SLAMF8: variants seen among roughly 807,000 people sequenced by gnomAD.
SLAMF8 encodes SLAM family member 8, also known as B lymphocyte activator macrophage expressed.
Under a neutral mutation model 29.0 loss-of-function variants are expected in SLAMF8, and 23 were observed. The ratio of observed to expected loss-of-function variants is 0.79; its 90% CI spans 0.57 to 1.13. SLAMF8 has a LOEUF of 1.13. Among genes scored for constraint, SLAMF8 ranks in the 50% most tolerant of loss-of-function variants. The pLI is 0.00. For synonymous variants in SLAMF8, 139 were observed against 145.6 expected, an observed-to-expected ratio of 0.96 and a Z score of 0.32; for missense variants, 381 against 353.1, an observed-to-expected ratio of 1.08 and a Z score of -0.63.
chr1:159,831,458 CT>C (rs1201801871), intron 2 of SLAMF8, among the ~76,000 whole-genome samples: 10 of 152,106 alleles, frequency 6.6e-5, no homozygotes, highest in African/African-American at 2.4e-4. Flanking sequence ...CCCCCACCCC[CT>C]GCCACCTGTT....
At chr1:159,828,841 A>G (rs1405913896) in intron 1 of SLAMF8, among the ~76,000 whole-genome samples, 1 of 140,934 alleles carries the variant, frequency 7.1e-6, no homozygotes, top group African/African-American at 2.5e-5. Flanking sequence ...TCAGCAAAGG[A>G]GTCAGGGGGG....
chr1:159,832,977 A>G lies in SLAMF8; in HGVS notation c.469A>G (p.Ile157Val). 1 of 1,614,256 alleles carries G rather than the reference A, an allele frequency of 6.2e-7. No individual in the cohort carries two copies. The highest frequency in any genetic ancestry group is 1.1e-5 in the South Asian group (1 of 91,090). Reference protein sequence around the residue: ...QVFLSCWAPNISEITYSWRRE... With the variant: ...QVFLSCWAPNVSEITYSWRRE... Reference sequence around the variant, plus strand: ...TTTCTTGTCCTGTTGGGCCCCCAACATCAGCGAAATAACCTATAGCTGGCG... The same window carrying G: ...TTTCTTGTCCTGTTGGGCCCCCAACGTCAGCGAAATAACCTATAGCTGGCG... The change falls in exon 3 of 5, where the codon ATC (isoleucine) becomes GTC (valine). Residue 157 changes from isoleucine (I) to valine (V), a missense_variant. Ile to Val is a conservative substitution (Grantham distance 29). Coordinates refer to ENST00000289707, the MANE Select transcript of SLAMF8 (RefSeq NM_020125.3).
rs781659398 is a variant in SLAMF8 at position 159,829,986 on chromosome 1, G to A, written c.161G>A (p.Trp54Ter). 1.1e-5 allele frequency: 18 copies of A among 1,614,148 alleles called. No homozygotes were observed. The Admixed American group carries it at 3.0e-4, about 27-fold the overall frequency. ...QVREAIWRSL[W>*]PSEELLATFF... ...CGTGAGGCTATCTGGCGATCTCTCT[G>A]GCCTTCAGAAGAGCTCCTGGCCACG... is the stretch of plus-strand genomic sequence containing the variant. The change falls in exon 2 of 5, where the codon TGG becomes TAG. Residue 54 changes from tryptophan (W) to a stop codon, truncating the protein, a stop_gained. Transcript: ENST00000289707. LOFTEE classifies it high-confidence loss of function.
rs1356830314 is a variant in SLAMF8, at chr1:159,833,211, A to C, written c.673+30A>C. On this transcript the variant is annotated intron_variant, in intron 3 of 4. Transcript: ENST00000289707. ...GCTAAGGGCCAGCAGTCAGTGGTTGAGGGCTTATGAAGCATCAAGTCCACC... is the reference window on the plus strand; with the variant it reads ...GCTAAGGGCCAGCAGTCAGTGGTTGCGGGCTTATGAAGCATCAAGTCCACC... 4 of 1,614,064 alleles carry C rather than the reference A, an allele frequency of 2.5e-6. No individual in the cohort carries two copies. The South Asian group carries it at 3.3e-5, about 13-fold the overall frequency.
In SLAMF8 at chr1:159,835,666, G is replaced by C; in HGVS notation, c.*406G>C. The C allele has an allele frequency of 3.0e-6, 3 of 995,112 alleles. No individual in the cohort carries two copies. The highest frequency in any genetic ancestry group is 3.6e-6 in the Non-Finnish European group (3 of 836,172). 61.6% of individuals were successfully genotyped at this position (995,112 alleles called of 1,614,324 possible). On this transcript the variant is annotated 3_prime_UTR_variant, in exon 5 of 5. Coordinates refer to ENST00000289707, the MANE Select transcript of SLAMF8 (RefSeq NM_020125.3). Reference sequence around the variant, plus strand: ...CCAGCCTGAGTCCTAGGCTCTAAAAGATATTACATATTTGAACTAATAGAG... The same window carrying C: ...CCAGCCTGAGTCCTAGGCTCTAAAACATATTACATATTTGAACTAATAGAG...
chr1:159,831,143 A>G (rs537902002), intron 2 of SLAMF8, among the ~76,000 whole-genome samples: 4 of 152,330 alleles, frequency 2.6e-5, no homozygotes, highest in African/African-American at 9.6e-5. Context: ...AATGGGCTAG[A>G]AAAGAGGCAT....
chr1:159,829,542 T>C (rs548198121), intron 1 of SLAMF8, among the ~76,000 whole-genome samples: 5 of 152,372 alleles, frequency 3.3e-5, no homozygotes, highest in African/African-American at 1.2e-4. Flanking sequence ...ATTTGTTTTC[T>C]GAGCCCATCA....
chr1:159,829,757 G>A (rs766065420), intron 1 of SLAMF8, 109 bp from the exon 2 acceptor site: 1 of 1,163,984 alleles, frequency 8.6e-7, no homozygotes, highest in Non-Finnish European at 1.2e-6. Flanking sequence ...CTTGAGTGGA[G>A]GGAATGTCAG....
chr1:159,830,099 C>A lies in SLAMF8; in HGVS notation c.274C>A (p.Pro92Thr), dbSNP rs779125596. 1 of 1,614,100 alleles carries A rather than the reference C, an allele frequency of 6.2e-7. No homozygotes were observed. The highest frequency in any genetic ancestry group is 1.3e-5 in the African/African-American group (1 of 74,936). Residue 92 changes from proline (P) to threonine (T), a missense_variant, in exon 2 of 5, where the codon CCG becomes ACG. Transcript: ENST00000289707. ...LHSNLSLELG[P>T]LESGDSGNFS... ...CAGCAACCTCAGCCTGGAGCTCGGG[C>A]CGCTGGAGTCTGGAGACAGCGGCAA... is the stretch of plus-strand genomic sequence containing the variant.
At position 159,835,435 on chromosome 1, in the gene SLAMF8, C is replaced by T. The variant is rs1647853435; in HGVS notation, c.*175C>T. On this transcript the variant is annotated 3_prime_UTR_variant, in exon 5 of 5. Transcript: ENST00000289707. Reference sequence around the variant, plus strand: ...CATCACACCACGAGGACAGGAAGCACCAGCACGTTTCACACCTCCCCCTTC... The same window carrying T: ...CATCACACCACGAGGACAGGAAGCATCAGCACGTTTCACACCTCCCCCTTC... 4 of 1,391,412 alleles carry T rather than the reference C, an allele frequency of 2.9e-6. No homozygotes were observed. In the South Asian group the frequency reaches 6.9e-5, roughly 24 times the overall value. The allele number at this position is 1,391,412 out of a possible 1,614,324, so 86.2% of individuals were successfully genotyped here.
At position 159,835,817 on chromosome 1, in the gene SLAMF8, G is replaced by T. The variant is rs1012300938; in HGVS notation, c.*557G>T. 2.0e-6 allele frequency: 2 copies of T among 985,416 alleles called. No individual in the cohort carries two copies. Among genetic ancestry groups the T allele is most frequent in the African/African-American group, 1.7e-5 (1 of 57,208 alleles). The allele number at this position is 985,416 out of a possible 1,614,324, so 61.0% of individuals were successfully genotyped here. ...CTAGAAATAGGTGAAAGTGAGAGGT[G>T]GGGGACAGGGGTTTCTCTTTCTGGC... On this transcript the variant is annotated 3_prime_UTR_variant, in exon 5 of 5. Transcript: ENST00000289707.
At position 159,830,131 on chromosome 1, in the gene SLAMF8, C is replaced by T. The variant is rs115207854; in HGVS notation, c.306C>T (p.Ser102=). 1.3e-4 allele frequency: 205 copies of T among 1,614,008 alleles called. 2 individuals are homozygous for T. The East Asian group carries it at 3.8e-3, about 30-fold the overall frequency. The part of the protein sequence containing the change: ...PLESGDSGNF[S]VLMVDTRGQP... ...AGTCTGGAGACAGCGGCAACTTCTC[C>T]GTGTTGATGGTGGACACAAGGGGCC... Residue 102 remains serine, a synonymous_variant, in exon 2 of 5, where the codon TCC becomes TCT. Coordinates refer to ENST00000289707, the MANE Select transcript of SLAMF8 (RefSeq NM_020125.3).
chr1:159,835,837 T>C lies in SLAMF8; in HGVS notation c.*577T>C. The C allele has an allele frequency of 1.0e-6, 1 of 985,510 alleles. No individual in the cohort carries two copies. 61.0% of individuals were successfully genotyped at this position (985,510 alleles called of 1,614,324 possible). On this transcript the variant is annotated 3_prime_UTR_variant, in exon 5 of 5. Coordinates refer to ENST00000289707, the MANE Select transcript of SLAMF8 (RefSeq NM_020125.3). ...GAGGTGGGGGACAGGGGTTTCTCTT[T>C]CTGGCCTAAGGACTTTCAGGTAATC...
At chr1:159,834,913 G>A (rs1647796133) in intron 4 of SLAMF8, 1 of 345,318 alleles carries the variant, frequency 2.9e-6, no homozygotes. Flanking sequence ...CTTCTGTCCA[G>A]TGATTTAACT....
At chr1:159,829,323 T>A (rs1441709597) in intron 1 of SLAMF8, among the ~76,000 whole-genome samples, 1 of 152,246 alleles carries the variant, frequency 6.6e-6, no homozygotes, top group Non-Finnish European at 1.5e-5. Context: ...CTTTCAGGTC[T>A]CTGCATGATC....
intron 2 of SLAMF8, among the ~76,000 whole-genome samples, chr1:159,831,872 T>C (rs1647513124): frequency 6.6e-6 from 1 of 152,232 alleles, no homozygotes; most frequent in Non-Finnish European, 1.5e-5. Context: ...TCTTAAGTGA[T>C]GTAAATATCC....
chr1:159,831,831 G>A (rs1647504604), intron 2 of SLAMF8, among the ~76,000 whole-genome samples: 1 of 152,202 alleles, frequency 6.6e-6, no homozygotes, highest in Admixed American at 6.5e-5. Context: ...TGTTTCTACT[G>A]TGCTTGATCG....
intron 1 of SLAMF8, among the ~76,000 whole-genome samples, chr1:159,828,844 C>G (rs1163813527): frequency 2.9e-5 from 4 of 140,088 alleles, no homozygotes; most frequent in Non-Finnish European, 6.7e-5. Flanking sequence ...GCAAAGGAGT[C>G]AGGGGGGCAC....
intron 2 of SLAMF8, 52 bp downstream of exon 2, chr1:159,830,244 G>A: frequency 6.6e-7 from 1 of 1,507,092 alleles, no homozygotes; most frequent in South Asian, 1.4e-5. Context: ...CAAAGCACCA[G>A]ACGAGCATCC....
Sources: allele counts gnomAD v4.1 joint callset (sites outside exome capture counted in the v4.1 genomes callset), GRCh38; gene constraint gnomAD v4.1.1; transcripts MANE v1.5; gene names NCBI Gene and HGNC (gene_info 2026-07-23, HGNC 2026-07-21).